The following ERC1 variants were observed in gnomAD, a reference collection of about 807,000 sequenced individuals.
ERC1 encodes RAB6 interacting protein 2.
In ERC1, 56 loss-of-function variants were observed where a neutral mutation model predicts 132.0. The observed-to-expected ratio is 0.42, with a 90% CI of 0.34 to 0.53. ERC1 has a LOEUF of 0.53. ERC1 is among the 20% of genes least tolerant of loss of function. The probability of loss-of-function intolerance (pLI) is 0.03; values close to 1 mark genes in which losing one functional copy is unlikely to be tolerated. For synonymous variants in ERC1, 478 were observed against 476.1 expected, an observed-to-expected ratio of 1.00 and a Z score of -0.05; for missense variants, 1,202 against 1,349.9, an observed-to-expected ratio of 0.89 and a Z score of 1.72.
At chr12:1,381,593 T>C (rs1187877050) in intron 16 of ERC1, among the ~76,000 whole-genome samples, 1 of 152,224 alleles carries the variant, frequency 6.6e-6, no homozygotes, top group Non-Finnish European at 1.5e-5. Context: ...TATTAAGTAC[T>C]CAAATATATA....
At chr12:1,151,017 A>T (rs1950788066) in intron 8 of ERC1, among the ~76,000 whole-genome samples, 1 of 152,230 alleles carries the variant, frequency 6.6e-6, no homozygotes, top group Non-Finnish European at 1.5e-5. Context: ...ACAGTGTGAA[A>T]TCTGGCCTCT....
intron 12 of ERC1, among the ~76,000 whole-genome samples, chr12:1,218,819 C>CTTAT (rs1958669924): frequency 1.3e-5 from 2 of 148,488 alleles, no homozygotes; most frequent in African/African-American, 5.0e-5. Context: ...GTCCTATTCT[C>CTTAT]ATATATATAT....
At chr12:1,052,131 G>C (rs1972128664) in intron 2 of ERC1, among the ~76,000 whole-genome samples, 1 of 152,198 alleles carries the variant, frequency 6.6e-6, no homozygotes, top group South Asian at 2.1e-4. Flanking sequence ...AACACAGATT[G>C]CTGGGACTCA....
At chr12:1,091,977 A>T (rs1157181063) in intron 3 of ERC1, among the ~76,000 whole-genome samples, 5 of 150,630 alleles carry the variant, frequency 3.3e-5, no homozygotes, top group Non-Finnish European at 4.4e-5. Context: ...CCATCTTTTA[A>T]AAAAAAGTGG....
At chr12:1,252,033 C>T (rs932586260) in intron 13 of ERC1, among the ~76,000 whole-genome samples, 1 of 151,802 alleles carries the variant, frequency 6.6e-6, no homozygotes, top group Admixed American at 6.6e-5. Flanking sequence ...TACATATTTA[C>T]GAGGTACACA....
At chr12:1,121,380 TG>T (rs143659576) in intron 7 of ERC1, among the ~76,000 whole-genome samples, 72 of 152,302 alleles carry the variant, frequency 4.7e-4, no homozygotes, top group African/African-American at 1.6e-3. Context: ...CCATGACTCT[TG>T]TTTGATTGGT....
At chr12:1,101,388 C>T (rs745659195) in intron 3 of ERC1, among the ~76,000 whole-genome samples, 35 of 152,158 alleles carry the variant, frequency 2.3e-4, no homozygotes, top group Non-Finnish European at 3.2e-4. Context: ...GAGTGTGTTA[C>T]GCCGACATCA....
At chr12:1,448,766 C>CAG (rs1392598131) in intron 18 of ERC1, among the ~76,000 whole-genome samples, 1 of 152,254 alleles carries the variant, frequency 6.6e-6, no homozygotes, top group African/African-American at 2.4e-5. Context: ...AATGCAGGGT[C>CAG]AGAGCCCCTA....
At chr12:1,004,238 T>C (rs919531153) in intron 1 of ERC1, among the ~76,000 whole-genome samples, 4 of 152,130 alleles carry the variant, frequency 2.6e-5, no homozygotes, top group African/African-American at 9.7e-5. Context: ...GAAAGTTTCC[T>C]CCTATACCTA....
chr12:1,115,375 G>T (rs1946337513), intron 6 of ERC1, among the ~76,000 whole-genome samples: 1 of 152,152 alleles, frequency 6.6e-6, no homozygotes, highest in Non-Finnish European at 1.5e-5. Flanking sequence ...AAAGATAACA[G>T]TGAAAAATTA....
intron 15 of ERC1, among the ~76,000 whole-genome samples, chr12:1,352,421 G>A (rs2085084118): frequency 6.6e-6 from 1 of 152,180 alleles, no homozygotes; most frequent in Non-Finnish European, 1.5e-5. Flanking sequence ...CAAATCACTG[G>A]ACCATCAGGC....
At chr12:1,096,063 A>ACT (rs1034156590) in intron 3 of ERC1, among the ~76,000 whole-genome samples, 1 of 151,758 alleles carries the variant, frequency 6.6e-6, no homozygotes, top group Non-Finnish European at 1.5e-5. Context: ...AGTGGCTGGG[A>ACT]CTACACATGA....
intron 15 of ERC1, among the ~76,000 whole-genome samples, chr12:1,363,503 A>G (rs2086341542): frequency 6.7e-6 from 1 of 149,038 alleles, no homozygotes; most frequent in African/African-American, 2.5e-5. Context: ...CCATATTGGG[A>G]TAACTTCTCT....
At chr12:1,137,360 GT>G (rs1365900491) in intron 7 of ERC1, among the ~76,000 whole-genome samples, 7 of 151,254 alleles carry the variant, frequency 4.6e-5, no homozygotes, top group Admixed American at 2.6e-4. Context: ...GCCTCCCAAA[GT>G]GCTGGGATTA....
chr12:1,212,096 T>G (rs1371408879), intron 12 of ERC1, among the ~76,000 whole-genome samples: 1 of 152,138 alleles, frequency 6.6e-6, no homozygotes, highest in East Asian at 1.9e-4. Context: ...TGTTCCAAAT[T>G]TTGGGAAATC....
chr12:1,225,339 A>G (rs959141951), intron 12 of ERC1, among the ~76,000 whole-genome samples: 2 of 151,774 alleles, frequency 1.3e-5, no homozygotes, highest in Admixed American at 6.6e-5. Flanking sequence ...AGTCCCAGCT[A>G]CTTGGGAGGC....
At chr12:1,246,456 A>T (rs1265216176) in intron 13 of ERC1, among the ~76,000 whole-genome samples, 1 of 152,254 alleles carries the variant, frequency 6.6e-6, no homozygotes, top group African/African-American at 2.4e-5. Flanking sequence ...TTCTCATAGA[A>T]GAATTTCAGT....
chr12:1,212,064 T>A (rs1245029842), intron 12 of ERC1, among the ~76,000 whole-genome samples: 1 of 152,194 alleles, frequency 6.6e-6, no homozygotes, highest in East Asian at 1.9e-4. Context: ...CTGTCCACTC[T>A]CATTATGTTT....
intron 16 of ERC1, among the ~76,000 whole-genome samples, chr12:1,405,774 G>C (rs2091447323): frequency 6.6e-6 from 1 of 152,086 alleles, no homozygotes; most frequent in South Asian, 2.1e-4. Context: ...TTTTGGGCTG[G>C]TCACCGTGGC....
Sources: gnomAD v4.1 joint callset for allele counts (sites outside exome capture counted in the v4.1 genomes callset) on GRCh38, gnomAD v4.1.1 for gene constraint, MANE v1.5 for transcripts, NCBI Gene and HGNC (gene_info 2026-07-23, HGNC 2026-07-21) for gene names.